Variants in ADCY2 observed in about 807,000 individuals in gnomAD.
ADCY2 encodes the protein adenylate cyclase type 2.
ADCY2 carries 31 observed loss-of-function variants against 125.2 expected under a neutral mutation model. The observed-to-expected ratio is 0.25, with a 90% CI of 0.19 to 0.33. The LOEUF is 0.33. ADCY2 is among the 10% of genes least tolerant of loss of function. ADCY2 has a pLI of 1.00. For synonymous variants in ADCY2, 512 were observed against 548.4 expected, an observed-to-expected ratio of 0.93 and a Z score of 0.93; for missense variants, 904 against 1,418.2, an observed-to-expected ratio of 0.64 and a Z score of 5.82.
At chr5:7,458,867 C>T (rs1046397711) in intron 2 of ADCY2, among the ~76,000 whole-genome samples, 3 of 152,118 alleles carry the variant, frequency 2.0e-5, no homozygotes, top group Non-Finnish European at 2.9e-5. Flanking sequence ...AGTAATGGCA[C>T]GTCACACAAG....
At chr5:7,748,163 A>T (rs556334916) in intron 15 of ADCY2, among the ~76,000 whole-genome samples, 1 of 152,144 alleles carries the variant, frequency 6.6e-6, no homozygotes, top group Non-Finnish European at 1.5e-5. Flanking sequence ...AGCTATTCTC[A>T]GGCAGAGAAA....
intron 4 of ADCY2, among the ~76,000 whole-genome samples, chr5:7,673,287 A>ATATATATAT (rs58507866): frequency 0.021 from 667 of 31,226 alleles, 54 homozygotes; most frequent in South Asian, 0.082. Flanking sequence ...TATATATATA[A>ATATATATAT]AATTAGCCAG....
intron 2 of ADCY2, among the ~76,000 whole-genome samples, chr5:7,429,954 T>G (rs553327136): frequency 6.6e-6 from 1 of 151,568 alleles, no homozygotes; most frequent in East Asian, 1.9e-4. Flanking sequence ...GTAAAATTGG[T>G]GAAACTCTAG....
At chr5:7,591,000 T>C (rs1736834761) in intron 3 of ADCY2, among the ~76,000 whole-genome samples, 1 of 152,188 alleles carries the variant, frequency 6.6e-6, no homozygotes, top group Non-Finnish European at 1.5e-5. Flanking sequence ...TAATTCAGTT[T>C]TATCATGATT....
chr5:7,789,914 T>C (rs1744200510), intron 20 of ADCY2, 114 bp downstream of exon 20: 3 of 807,664 alleles, frequency 3.7e-6, no homozygotes, highest in Non-Finnish European at 1.9e-6. Context: ...CACATCTGAG[T>C]GTTCAAATTG....
chr5:7,666,005 A>ATTT, intron 4 of ADCY2, among the ~76,000 whole-genome samples: 1 of 149,412 alleles, frequency 6.7e-6, no homozygotes, highest in South Asian at 2.1e-4. Flanking sequence ...TGCCCGGCTA[A>ATTT]TTTTTTGTAT....
At chr5:7,680,555 C>T (rs943284567) in intron 4 of ADCY2, among the ~76,000 whole-genome samples, 2 of 152,166 alleles carry the variant, frequency 1.3e-5, no homozygotes, top group African/African-American at 2.4e-5. Flanking sequence ...TCTGACTGAC[C>T]AGGCTCAGTC....
At chr5:7,517,422 T>C (rs1007989738) in intron 2 of ADCY2, among the ~76,000 whole-genome samples, 1 of 152,220 alleles carries the variant, frequency 6.6e-6, no homozygotes, top group Non-Finnish European at 1.5e-5. Context: ...GTTTTACATA[T>C]GGCCCTATTT....
chr5:7,644,589 T>A (rs945370480), intron 4 of ADCY2, among the ~76,000 whole-genome samples: 2 of 152,134 alleles, frequency 1.3e-5, no homozygotes, highest in African/African-American at 4.8e-5. Context: ...GATCTATATT[T>A]CATTAACACC....
chr5:7,403,937 TACACACACACACACACACAC>T (rs370540720), intron 1 of ADCY2, among the ~76,000 whole-genome samples: 2 of 140,452 alleles, frequency 1.4e-5, no homozygotes, highest in Non-Finnish European at 3.2e-5. Flanking sequence ...CTTTCAATGC[TACACACACACACACACACAC>T]ACACACACAC....
Position 7,825,247 on chromosome 5 carries a change from T to G in ADCY2, c.3124-1472T>G, listed in dbSNP as rs576090467. Among the ~76,000 whole-genome samples the G allele has an allele frequency of 2.3e-3, 299 of 128,344 alleles. 2 individuals are homozygous for G. The highest frequency in any genetic ancestry group is 0.012 in the African/African-American group (290 of 23,492). 84.2% of individuals were successfully genotyped at this position (128,344 alleles called of 152,430 possible). A position where few individuals can be genotyped will look rare whatever the true frequency, so the allele number is the denominator to read the frequency against. On this transcript the variant is annotated intron_variant, in intron 24 of 24. Coordinates refer to ENST00000338316, the MANE Select transcript of ADCY2 (RefSeq NM_020546.3). ...GCCACGACAACGCTGCTGTGTGACA[T>G]GACAACGCTGCTGTGTGCCATGACA... is the stretch of plus-strand genomic sequence containing the variant.
At chr5:7,825,675 G>T (rs1041158600) in intron 24 of ADCY2, among the ~76,000 whole-genome samples, 6 of 152,190 alleles carry the variant, frequency 3.9e-5, no homozygotes, top group Admixed American at 2.6e-4. Flanking sequence ...GCCAACAGAG[G>T]GGTCTTCCCT....
At chr5:7,466,380 C>T (rs1742117166) in intron 2 of ADCY2, among the ~76,000 whole-genome samples, 1 of 152,144 alleles carries the variant, frequency 6.6e-6, no homozygotes, top group Non-Finnish European at 1.5e-5. Context: ...CACCCTAGAT[C>T]CCTTACACAT....
chr5:7,419,862 C>A (rs1740124226), intron 2 of ADCY2, among the ~76,000 whole-genome samples: 1 of 152,206 alleles, frequency 6.6e-6, no homozygotes, highest in Non-Finnish European at 1.5e-5. Flanking sequence ...GTGCCAGACC[C>A]TGTTCTGAGT....
chr5:7,808,737 C>G (rs1201960815), intron 22 of ADCY2, among the ~76,000 whole-genome samples: 1 of 152,172 alleles, frequency 6.6e-6, no homozygotes, highest in Non-Finnish European at 1.5e-5. Context: ...CTGAGCATCC[C>G]TGCACCCCTA....
At chr5:7,528,666 A>G (rs948125910) in intron 3 of ADCY2, among the ~76,000 whole-genome samples, 1 of 152,214 alleles carries the variant, frequency 6.6e-6, no homozygotes, top group Non-Finnish European at 1.5e-5. Flanking sequence ...CAATGGGTTT[A>G]TGTCGAATAT....
intron 2 of ADCY2, among the ~76,000 whole-genome samples, chr5:7,447,094 C>G (rs1741290994): frequency 6.6e-6 from 1 of 152,194 alleles, no homozygotes; most frequent in Non-Finnish European, 1.5e-5. Context: ...TGTCATCACT[C>G]TTTCCCTTAG....
intron 3 of ADCY2, among the ~76,000 whole-genome samples, chr5:7,620,550 C>T (rs575816944): frequency 2.0e-5 from 3 of 152,252 alleles, no homozygotes; most frequent in Non-Finnish European, 4.4e-5. Context: ...CTGAGGCCAC[C>T]GCACATAGCA....
intron 4 of ADCY2, among the ~76,000 whole-genome samples, chr5:7,687,006 C>T (rs533884746): frequency 6.6e-6 from 1 of 152,284 alleles, no homozygotes; most frequent in South Asian, 2.1e-4. Flanking sequence ...TACCATCCAC[C>T]AGTGGTGCCA....
Sources: gnomAD v4.1 joint callset for allele counts (sites outside exome capture counted in the v4.1 genomes callset) on GRCh38, gnomAD v4.1.1 for gene constraint, MANE v1.5 for transcripts, NCBI Gene and HGNC (gene_info 2026-07-23, HGNC 2026-07-21) for gene names.